The following CNTN2 variants were observed in gnomAD, a reference collection of about 807,000 sequenced individuals.
CNTN2 encodes the protein contactin 2.
In CNTN2, 53 loss-of-function variants were observed where a neutral mutation model predicts 117.5. The observed-to-expected ratio is 0.45, with a 90% CI of 0.36 to 0.57. The LOEUF (loss-of-function observed/expected upper bound fraction) is 0.57. Among genes scored for constraint, CNTN2 ranks in the 20% least tolerant of loss-of-function variants. The pLI, the probability that CNTN2 is intolerant of heterozygous loss-of-function variation, is 0.00. For synonymous variants in CNTN2, 530 were observed against 561.7 expected (o/e 0.94, Z 0.80); for missense variants, 1,106 against 1,404.3 (o/e 0.79, Z 3.39).
In CNTN2 at chr1:205,075,817, G is replaced by A. The variant is rs568691126; in HGVS notation, c.*2052G>A. Reference sequence around the variant, plus strand: ...CTATACGACCATTCTCCCTGACAGGGAGTCCAAACTTGGCCTAGCATCCCT... The same window carrying A: ...CTATACGACCATTCTCCCTGACAGGAAGTCCAAACTTGGCCTAGCATCCCT... On this transcript the variant is annotated 3_prime_UTR_variant, in exon 23 of 23. Transcript: ENST00000331830. 5 of 152,226 alleles carry A rather than the reference G, an allele frequency of 3.3e-5. No individual in the cohort carries two copies. The highest frequency in any genetic ancestry group is 7.4e-5 in the Non-Finnish European group (5 of 68,026). The allele number at this position is 152,226 out of a possible 1,614,324, so 9.4% of individuals were successfully genotyped here.
chr1:205,074,009 G>A lies in CNTN2; in HGVS notation c.*244G>A, dbSNP rs890563712. 26 of 595,930 alleles carry A rather than the reference G, an allele frequency of 4.4e-5. No homozygotes were observed. The highest frequency in any genetic ancestry group is 1.1e-4 in the African/African-American group (6 of 53,742). 36.9% of individuals were successfully genotyped at this position (595,930 alleles called of 1,614,324 possible). A position where few individuals can be genotyped will look rare whatever the true frequency, so the allele number is the denominator to read the frequency against. The stretch of plus-strand genomic sequence containing the variant: ...CAGTAACTTCCATGATGACACTGAC[G>A]CCTATACCTGAGCTCTAGGCTGCCT... On this transcript the variant is annotated 3_prime_UTR_variant, in exon 23 of 23. Transcript: ENST00000331830.
At chr1:205,072,835 T>C in intron 21 of CNTN2, 1 of 634,996 alleles carries the variant, frequency 1.6e-6, no homozygotes, top group Non-Finnish European at 2.7e-6. Flanking sequence ...AGTGATGGAC[T>C]ATGGGGATGG....
At position 205,075,961 on chromosome 1, in the gene CNTN2, CA is replaced by C. The variant is rs1416508027; in HGVS notation, c.*2197del. On this transcript the variant is annotated 3_prime_UTR_variant, in exon 23 of 23. Transcript: ENST00000331830. The stretch of plus-strand genomic sequence containing the variant: ...CGTTCCTCATTGCCTCGGGCTGCGT[CA>C]GGGGAAGCAGGGGACAGGTGTCCAG... The C allele has an allele frequency of 6.6e-6, 1 of 152,192 alleles. No homozygotes were observed. The allele number at this position is 152,192 out of a possible 1,614,324, so 9.4% of individuals were successfully genotyped here.
intron 2 of CNTN2, chr1:205,057,406 C>T (rs1558540536): frequency 1.3e-5 from 2 of 152,444 alleles, no homozygotes; most frequent in East Asian, 3.9e-4. Flanking sequence ...CAGATCAGTT[C>T]TTCTGTAAGG....
rs754548310 is a variant in CNTN2 at position 205,064,627 on chromosome 1, A to T, written c.1396A>T (p.Thr466Ser). 6.2e-7 allele frequency: 1 copy of T among 1,614,050 alleles called. No homozygotes were observed. Among genetic ancestry groups the T allele is most frequent in the East Asian group, 2.2e-5 (1 of 44,880 alleles). Residue 466 changes from threonine (T) to serine (S), a missense_variant, in exon 12 of 23, where the codon ACT becomes TCT. Transcript: ENST00000331830. ...TCTGCCTTGTCCTTGCCACAGAGTG[A>T]CTGTAACTCCAGATGGCACCTTGAT... The part of the protein sequence containing the change: ...TEILVNSSRV[T>S]VTPDGTLIIR...
intron 21 of CNTN2, 132 bp from the exon 22 acceptor site, chr1:205,072,936 G>A: frequency 1.1e-6 from 1 of 925,982 alleles, no homozygotes. Context: ...TTGTCAATGG[G>A]GAGGAGGGGT....
At chr1:205,069,782 A>G in intron 17 of CNTN2, 45 bp from the exon 18 acceptor site, 1 of 1,581,274 alleles carries the variant, frequency 6.3e-7, no homozygotes, top group Non-Finnish European at 8.7e-7. Flanking sequence ...ACGGGCAGGG[A>G]CACATGCCGC....
Position 205,073,253 on chromosome 1 carries a change from A to C in CNTN2, c.3013+17A>C. 1.2e-6 allele frequency: 2 copies of C among 1,611,862 alleles called. No individual in the cohort carries two copies. The highest frequency in any genetic ancestry group is 1.7e-6 in the Non-Finnish European group (2 of 1,178,748). Reference sequence around the variant, plus strand: ...GGAATGGAGGTGCTGCTCCTCCCCTACCCTTATCCCCTCGAGAGATTCAGG... The same window carrying C: ...GGAATGGAGGTGCTGCTCCTCCCCTCCCCTTATCCCCTCGAGAGATTCAGG... On this transcript the variant is annotated intron_variant, in intron 22 of 22. Transcript: ENST00000331830. This position sits in a 1 kb window ranked among gnomAD's most constrained non-coding sequence, Gnocchi z 6.3.
rs1404628441 is a variant in CNTN2, at chr1:205,064,384, G to A, written c.1303G>A (p.Glu435Lys). 2 of 1,611,078 alleles carry A rather than the reference G, an allele frequency of 1.2e-6. No individual in the cohort carries two copies. The highest frequency in any genetic ancestry group is 3.3e-5 in the Admixed American group (2 of 59,932). Reference sequence around the variant, plus strand: ...TCTGATCCCCGCGGCCCGCGGGGGAGAGATCCTTATCCCCTGCCAGCCCCG... The same window carrying A: ...TCTGATCCCCGCGGCCCGCGGGGGAAAGATCCTTATCCCCTGCCAGCCCCG... ...RRLIPAARGG[E>K]ILIPCQPRAA... Residue 435 changes from glutamate to lysine, a missense_variant, in exon 11 of 23, where the codon GAG becomes AAG. Physicochemically the swap from Glu to Lys is moderately conservative, Grantham distance 56 (BLOSUM62 1). Coordinates refer to ENST00000331830, the MANE Select transcript of CNTN2 (RefSeq NM_005076.5).
rs534803305 is a variant in CNTN2 at position 205,054,034 on chromosome 1, C to T, written c.70+779C>T. On this transcript the variant is annotated intron_variant, in intron 2 of 22. Coordinates refer to ENST00000331830, the MANE Select transcript of CNTN2 (RefSeq NM_005076.5). ...GGAGAGCATGTCAGGCCAGAGGAGC[C>T]GGGCCGCTGGCCTGTCCTAGGGCAA... is the stretch of plus-strand genomic sequence containing the variant. 8.5e-5 allele frequency among the ~76,000 whole-genome samples: 13 copies of T among 152,338 alleles called. No individual in the cohort carries two copies. The East Asian group carries it at 1.4e-3, about 16-fold the overall frequency.
At chr1:205,060,021 C>T (rs758610470) in intron 7 of CNTN2, 30 of 290,272 alleles carry the variant, frequency 1.0e-4, no homozygotes, top group Admixed American at 5.6e-4. Flanking sequence ...CTCTGCCACC[C>T]GCAGACCTTG....
At position 205,065,943 on chromosome 1, in the gene CNTN2, C is replaced by T. The variant is rs1654267523; in HGVS notation, c.1816+34C>T. On this transcript the variant is annotated intron_variant, in intron 14 of 22. Coordinates refer to ENST00000331830, the MANE Select transcript of CNTN2 (RefSeq NM_005076.5). The surrounding 1 kb of genome is among the most constrained non-coding windows in gnomAD (Gnocchi z 4.1). ...TTTCCCACCTCTACCCCTACCCCAA[C>T]TCCCTTAAAACCCAGCTGGGCTGTT... 1.3e-6 allele frequency: 2 copies of T among 1,582,030 alleles called. No individual in the cohort carries two copies. The highest frequency in any genetic ancestry group is 1.7e-6 in the Non-Finnish European group (2 of 1,163,392).
rs374208965 is a variant in CNTN2, at chr1:205,058,019, G to A, written c.169G>A (p.Val57Met). Residue 57 changes from valine (V) to methionine (M), a missense_variant, in exon 3 of 23, where the codon GTG becomes ATG. By Grantham distance (21) the Val-to-Met change is conservative. Transcript: ENST00000331830. This position sits in a 1 kb window ranked among gnomAD's most constrained non-coding sequence, Gnocchi z 4.3. Reference sequence around the variant, plus strand: ...CCCAGAGGAGTCCACGGAGGAGCAGGTGTTGCTGGCATGCCGCGCCCGGGC... The same window carrying A: ...CCCAGAGGAGTCCACGGAGGAGCAGATGTTGCTGGCATGCCGCGCCCGGGC... ...LFPEESTEEQ[V>M]LLACRARASP... 93 of 1,613,998 alleles carry A rather than the reference G, an allele frequency of 5.8e-5. No homozygotes were observed. Among genetic ancestry groups the A allele is most frequent in the East Asian group, 3.1e-4 (14 of 44,896 alleles).
chr1:205,073,185 G>A lies in CNTN2; in HGVS notation c.2962G>A (p.Gly988Arg). Residue 988 changes from glycine (G) to arginine (R), a missense_variant, in exon 22 of 23, where the codon GGG (glycine) becomes AGG (arginine). By Grantham distance (125) the Gly-to-Arg change is moderately radical. Coordinates refer to ENST00000331830, the MANE Select transcript of CNTN2 (RefSeq NM_005076.5). This position sits in a 1 kb window ranked among gnomAD's most constrained non-coding sequence, Gnocchi z 6.3. The part of the protein sequence containing the change: ...GHALVQIRTT[G>R]PGGDGIPAEV... ...TGCCCTGGTACAAATTCGGACCACA[G>A]GGCCCGGAGGGGATGGGATCCCTGC... 2 of 1,614,098 alleles carry A rather than the reference G, an allele frequency of 1.2e-6. No individual in the cohort carries two copies. The highest frequency in any genetic ancestry group is 1.7e-6 in the Non-Finnish European group (2 of 1,180,020).
In CNTN2 at chr1:205,062,547, CA is replaced by C; in HGVS notation, c.1219del (p.Ser407AlafsTer4). The C allele has an allele frequency of 6.2e-7, 1 of 1,613,738 alleles. No individual in the cohort carries two copies. Among genetic ancestry groups the C allele is most frequent in the Non-Finnish European group, 8.5e-7 (1 of 1,179,790 alleles). On this transcript the variant is annotated frameshift_variant, in exon 10 of 23. Coordinates refer to ENST00000331830, the MANE Select transcript of CNTN2 (RefSeq NM_005076.5). LOFTEE classifies it high-confidence loss of function. ...AGAATAAGCACGGTACCATCTACGC[CA>C]GCGCCGAGCTAGCCGTGCAAGGTAA... is the stretch of plus-strand genomic sequence containing the variant. ...AENKHGTIYA[S>X]AELAVQALAP... is the part of the protein sequence containing the mutation.
Position 205,059,701 on chromosome 1 carries a change from G to A in CNTN2, c.797+19G>A, listed in dbSNP as rs1252292795. 1.9e-6 allele frequency: 3 copies of A among 1,607,734 alleles called. No homozygotes were observed. The highest frequency in any genetic ancestry group is 1.3e-5 in the African/African-American group (1 of 74,766). On this transcript the variant is annotated intron_variant, in intron 7 of 22. Transcript: ENST00000331830. The surrounding 1 kb of genome is among the most constrained non-coding windows in gnomAD (Gnocchi z 5.6). The stretch of plus-strand genomic sequence containing the variant: ...TTGGGAAGTGAGTGTGAAGAGGGAG[G>A]GGAAGCAGAGCACGGTCTCTCGGGG...
At chr1:205,055,036 T>C (rs2096458868) in intron 2 of CNTN2, among the ~76,000 whole-genome samples, 1 of 152,006 alleles carries the variant, frequency 6.6e-6, no homozygotes, top group Admixed American at 6.6e-5. Context: ...GTTTTTGAGA[T>C]GGAGTCTTAC....
rs148470266 is a variant in CNTN2, at chr1:205,077,898, C to A, written c.*4133C>A. 47 of 152,282 alleles carry A rather than the reference C, an allele frequency of 3.1e-4. No individual in the cohort carries two copies. The highest frequency in any genetic ancestry group is 1.0e-3 in the African/African-American group (43 of 41,568). 9.4% of individuals were successfully genotyped at this position (152,282 alleles called of 1,614,324 possible). A position where few individuals can be genotyped will look rare whatever the true frequency, so the allele number is the denominator to read the frequency against. On this transcript the variant is annotated 3_prime_UTR_variant, in exon 23 of 23. Transcript: ENST00000331830. ...TGACTCAGTGTTTGTTAAAATGGAA[C>A]CACTCCCGTTGGCCTACTGTTTCTC...
chr1:205,077,771 C>A lies in CNTN2; in HGVS notation c.*4006C>A, dbSNP rs1035151616. 6.6e-6 allele frequency: 1 copy of A among 152,244 alleles called. No individual in the cohort carries two copies. Among genetic ancestry groups the A allele is most frequent in the African/African-American group, 2.4e-5 (1 of 41,430 alleles). 9.4% of individuals were successfully genotyped at this position (152,244 alleles called of 1,614,324 possible). On this transcript the variant is annotated 3_prime_UTR_variant, in exon 23 of 23. Transcript: ENST00000331830. ...CCCTTAGATGGGATACATCTTGCCT[C>A]GGCCCCAAGACTCCTCCAACTTACC...
Sources: gnomAD v4.1 joint callset for allele counts (sites outside exome capture counted in the v4.1 genomes callset) on GRCh38, gnomAD v4.1.1 for gene constraint, Gnocchi (gnomAD v3.1) non-coding constraint, MANE v1.5 for transcripts, NCBI Gene and HGNC (gene_info 2026-07-23, HGNC 2026-07-21) for gene names.